Variants in ANO5 observed in about 807,000 individuals in gnomAD.
ANO5 encodes anoctamin 5.
In ANO5, 109 loss-of-function variants were observed where a neutral mutation model predicts 121.0. The observed-to-expected ratio is 0.90, with a 90% CI of 0.77 to 1.06. ANO5 has a LOEUF of 1.06. Ranked by LOEUF, ANO5 falls within the 50% of genes least tolerant of loss-of-function variation. ANO5 has a pLI of 0.00. For synonymous variants in ANO5, 406 were observed against 359.9 expected (o/e 1.13, Z -1.45); for missense variants, 1,064 against 1,078.5 (o/e 0.99, Z 0.19).
At position 22,257,759 on chromosome 11, in the gene ANO5, G is replaced by A. The variant is rs281865464; in HGVS notation, c.1407+5G>A. 5.0e-6 allele frequency: 8 copies of A among 1,605,324 alleles called. No individual in the cohort carries two copies. Among genetic ancestry groups the A allele is most frequent in the East Asian group, 2.2e-5 (1 of 44,782 alleles). On this transcript the variant is annotated splice_donor_5th_base_variant and intron_variant, in intron 14 of 21. Transcript: ENST00000324559. ...GGAGCCACAGTGACATTATGGGTGA[G>A]CATTTCTTTAAAAATTGCTATAATT... is the stretch of plus-strand genomic sequence containing the variant.
chr11:22,193,786 C>G (rs888037363), intron 1 of ANO5, among the ~76,000 whole-genome samples: 2 of 152,186 alleles, frequency 1.3e-5, no homozygotes, highest in South Asian at 4.1e-4. Context: ...CCTGTGACCC[C>G]TATGGTTCCG....
At chr11:22,261,740 C>T in intron 15 of ANO5, 1 of 231,614 alleles carries the variant, frequency 4.3e-6, no homozygotes, top group Non-Finnish European at 8.6e-6. Context: ...GGAAACCACA[C>T]CCATGATTCA....
chr11:22,214,780 G>A (rs1034526294), intron 3 of ANO5, among the ~76,000 whole-genome samples: 5 of 152,040 alleles, frequency 3.3e-5, no homozygotes, highest in African/African-American at 1.2e-4. Context: ...GTAGAGAGGA[G>A]TGGAGAGGGA....
chr11:22,227,274 C>A, intron 6 of ANO5, 28 bp from the exon 7 acceptor site: 1 of 1,605,358 alleles, frequency 6.2e-7, no homozygotes, highest in Non-Finnish European at 8.5e-7. Context: ...AGTAAGCTTT[C>A]TGCTGTTTTG....
At chr11:22,223,226 G>A (rs969405082) in intron 5 of ANO5, among the ~76,000 whole-genome samples, 1 of 151,934 alleles carries the variant, frequency 6.6e-6, no homozygotes, top group African/African-American at 2.4e-5. Flanking sequence ...ATATAGTCAT[G>A]CTTATGGAGA....
chr11:22,272,680 C>T (rs1016213922), intron 18 of ANO5, 104 bp from the exon 19 acceptor site: 13 of 1,039,928 alleles, frequency 1.3e-5, no homozygotes, highest in East Asian at 5.1e-5. Flanking sequence ...TTGTCGTATT[C>T]GTGTGGATCA....
At chr11:22,206,516 G>A (rs776618735) in intron 2 of ANO5, among the ~76,000 whole-genome samples, 12 of 152,124 alleles carry the variant, frequency 7.9e-5, no homozygotes, top group East Asian at 3.9e-4. Context: ...GCTTCACCAC[G>A]TTGGTCAGGC....
chr11:22,238,749 T>A (rs982287887), intron 8 of ANO5, among the ~76,000 whole-genome samples: 1 of 152,148 alleles, frequency 6.6e-6, no homozygotes, highest in African/African-American at 2.4e-5. Context: ...ACTTTCTTTT[T>A]CTTTTATTAT....
chr11:22,210,622 G>C (rs1333611385), intron 2 of ANO5, among the ~76,000 whole-genome samples: 1 of 151,922 alleles, frequency 6.6e-6, no homozygotes, highest in African/African-American at 2.4e-5. Context: ...TCTGTGTCCT[G>C]TGGTGTGTGG....
At position 22,227,565 on chromosome 11, in the gene ANO5, A is replaced by G. The variant is rs761949902; in HGVS notation, c.627A>G (p.Pro209=). ...FLIEDQATFF[P]SSSRNRIVYY... is the part of the protein sequence containing the mutation. Reference sequence around the variant, plus strand: ...TCGAAGATCAGGCAACCTTCTTTCCATCCTCATCAAGAAACAGAATTGTAG... The same window carrying G: ...TCGAAGATCAGGCAACCTTCTTTCCGTCCTCATCAAGAAACAGAATTGTAG... The change falls in exon 7 of 22, where the codon CCA becomes CCG. Residue 209 remains proline, a synonymous_variant. Coordinates refer to ENST00000324559, the MANE Select transcript of ANO5 (RefSeq NM_213599.3). 41 of 1,613,300 alleles carry G rather than the reference A, an allele frequency of 2.5e-5. 1 individual carries two copies. The highest frequency in any genetic ancestry group is 2.5e-4 in the East Asian group (11 of 44,850).
chr11:22,193,714 G>A (rs1035765487), intron 1 of ANO5, among the ~76,000 whole-genome samples, 182 bp downstream of exon 1: 2 of 152,204 alleles, frequency 1.3e-5, no homozygotes, highest in African/African-American at 4.8e-5. Flanking sequence ...CCTGGGGTGA[G>A]TGGGGTTGGT....
rs568126786 is a variant in ANO5, at chr11:22,275,332, G to A, written c.2414+585G>A. 3.2e-3 allele frequency among the ~76,000 whole-genome samples: 443 copies of A among 137,616 alleles called. 3 individuals are homozygous for A. Among genetic ancestry groups the A allele is most frequent in the African/African-American group, 0.011 (422 of 39,678 alleles). The allele number at this position is 137,616 out of a possible 152,430, so 90.3% of individuals were successfully genotyped here. ...AAGACACACACACACACACACACAC[G>A]CTTATCAAGGCCACTTAATTTAAAC... On this transcript the variant is annotated intron_variant, in intron 20 of 21. Coordinates refer to ENST00000324559, the MANE Select transcript of ANO5 (RefSeq NM_213599.3).
intron 14 of ANO5, 94 bp from the exon 15 acceptor site, chr11:22,259,425 A>G (rs1300947984): frequency 2.1e-5 from 28 of 1,305,588 alleles, no homozygotes; most frequent in Non-Finnish European, 3.1e-5. Context: ...TAAACTTCAT[A>G]TAATGAGATG....
Position 22,280,860 on chromosome 11 carries a change from G to T in ANO5, c.*1095G>T, listed in dbSNP as rs886048130. 4 of 151,976 alleles carry T rather than the reference G, an allele frequency of 2.6e-5. No individual in the cohort carries two copies. The highest frequency in any genetic ancestry group is 2.6e-4 in the Admixed American group (4 of 15,238). 9.4% of individuals were successfully genotyped at this position (151,976 alleles called of 1,614,324 possible). A position where few individuals can be genotyped will look rare whatever the true frequency, so the allele number is the denominator to read the frequency against. ...TTGTTAGCTAGTGATTTGATGTGAT[G>T]TAACATCTTAAATGTAAGCTTGTCT... On this transcript the variant is annotated 3_prime_UTR_variant, in exon 22 of 22. Transcript: ENST00000324559.
chr11:22,269,527 G>A (rs1854527413), intron 17 of ANO5, among the ~76,000 whole-genome samples: 1 of 130,740 alleles, frequency 7.6e-6, no homozygotes, highest in Admixed American at 7.4e-5. Context: ...GAAAAGGAAG[G>A]AAAGAAAAAA....
rs1854765974 is a variant in ANO5 at position 22,274,685 on chromosome 11, C to T, written c.2352C>T (p.Phe784=). 6.2e-7 allele frequency: 1 copy of T among 1,613,440 alleles called. No individual in the cohort carries two copies. Among genetic ancestry groups the T allele is most frequent in the South Asian group, 1.1e-5 (1 of 91,068 alleles). The change falls in exon 20 of 22, where the codon TTC becomes TTT. Residue 784 remains phenylalanine, a synonymous_variant. Transcript: ENST00000324559. ...ATGTGAATAATAGCCTGTCAGTATT[C>T]CTGATAGCTGATTTTCCAAACCACA... ...TGYVNNSLSV[F]LIADFPNHTA... is the part of the protein sequence containing the mutation.
intron 2 of ANO5, among the ~76,000 whole-genome samples, chr11:22,206,512 C>T (rs1202102931): frequency 1.3e-5 from 2 of 152,006 alleles, no homozygotes; most frequent in South Asian, 4.1e-4. Flanking sequence ...GGGGGCTTCA[C>T]CACGTTGGTC....
intron 19 of ANO5, 121 bp downstream of exon 19, chr11:22,273,110 T>A: frequency 9.0e-7 from 1 of 1,105,122 alleles, no homozygotes; most frequent in East Asian, 2.4e-5. Flanking sequence ...AGCTAAAACA[T>A]TCCGAAATTG....
At chr11:22,275,725 G>T (rs1259494242) in intron 20 of ANO5, among the ~76,000 whole-genome samples, 1 of 151,774 alleles carries the variant, frequency 6.6e-6, no homozygotes, top group African/African-American at 2.4e-5. Flanking sequence ...TCAAATCAAA[G>T]GATTAAAATA....
Sources: gnomAD v4.1 joint callset for allele counts (sites outside exome capture counted in the v4.1 genomes callset) on GRCh38, gnomAD v4.1.1 for gene constraint, MANE v1.5 for transcripts, NCBI Gene and HGNC (gene_info 2026-07-23, HGNC 2026-07-21) for gene names.